Variants in SRP54 observed in about 807,000 individuals in gnomAD.
The protein encoded by SRP54 is signal recognition particle subunit SRP54.
SRP54 carries 10 observed loss-of-function variants against 64.8 expected under a neutral mutation model. The ratio of observed to expected loss-of-function variants is 0.15; its 90% CI spans 0.10 to 0.26. The LOEUF is 0.26. Among genes scored for constraint, SRP54 ranks in the 10% least tolerant of loss-of-function variants. The pLI is 1.00. For missense variants in SRP54, 325 were observed against 613.7 expected (o/e 0.53, Z 4.97); for synonymous variants, 193 against 185.6 (o/e 1.04, Z -0.32).
chr14:35,014,290 T>TTTTTTTTTTTTTTTTTTGTTTTG (rs376712278), intron 10 of SRP54, among the ~76,000 whole-genome samples: 1 of 127,284 alleles, frequency 7.9e-6, no homozygotes, highest in African/African-American at 2.9e-5. Flanking sequence ...TTTTTTTTTT[T>TTTTTTTTTTTTTTTTTTGTTTTG]TTTTGAGACG....
At chr14:35,010,803 A>T (rs2044344732) in intron 7 of SRP54, among the ~76,000 whole-genome samples, 1 of 152,166 alleles carries the variant, frequency 6.6e-6, no homozygotes, top group South Asian at 2.1e-4. Flanking sequence ...TAAAAAAAAA[A>T]TTGGAAAAAC....
intron 4 of SRP54, among the ~76,000 whole-genome samples, chr14:35,001,340 G>A (rs1342876201): frequency 6.6e-6 from 1 of 151,888 alleles, no homozygotes; most frequent in Non-Finnish European, 1.5e-5. Flanking sequence ...TAGTAGAGAC[G>A]GGGTTTCTCT....
At chr14:34,995,164 T>TA (rs2044050931) in intron 1 of SRP54, among the ~76,000 whole-genome samples, 2 of 140,094 alleles carry the variant, frequency 1.4e-5, no homozygotes, top group Admixed American at 7.4e-5. Context: ...TGTGTGTGTG[T>TA]GTGTGTGTGT....
At chr14:34,991,089 G>C (rs1251723478) in intron 1 of SRP54, among the ~76,000 whole-genome samples, 3 of 148,500 alleles carry the variant, frequency 2.0e-5, no homozygotes, top group African/African-American at 4.9e-5. Context: ...CCCTGCCCTT[G>C]TGCAGGTTAA....
chr14:34,995,176 T>TA (rs1417657330), intron 1 of SRP54, among the ~76,000 whole-genome samples: 65 of 121,114 alleles, frequency 5.4e-4, no homozygotes, highest in African/African-American at 1.6e-3. Flanking sequence ...TGTGTGTGTG[T>TA]GTGTGTGTGT....
chr14:34,995,181 GTGTGTGT>G (rs1345356103), intron 1 of SRP54, among the ~76,000 whole-genome samples: 6 of 114,272 alleles, frequency 5.3e-5, no homozygotes, highest in Admixed American at 3.5e-4. Flanking sequence ...GTGTGTGTGT[GTGTGTGT>G]AGAGAGAGAG....
intron 12 of SRP54, 74 bp downstream of exon 12, chr14:35,018,839 T>A (rs2044481162): frequency 6.8e-7 from 1 of 1,472,846 alleles, no homozygotes; most frequent in Non-Finnish European, 9.3e-7. Context: ...CTTGCTTTAA[T>A]TATTTTTACA....
intron 14 of SRP54, among the ~76,000 whole-genome samples, chr14:35,025,129 A>G (rs181181476): frequency 6.6e-6 from 1 of 152,304 alleles, no homozygotes; most frequent in East Asian, 1.9e-4. Flanking sequence ...AAGGTTTTCC[A>G]AAGACTTCCA....
At chr14:35,014,300 G>A (rs1038809062) in intron 10 of SRP54, among the ~76,000 whole-genome samples, 6 of 102,408 alleles carry the variant, frequency 5.9e-5, no homozygotes, top group Non-Finnish European at 1.2e-4. Context: ...TTTTTGAGAC[G>A]GAGTTTCGCT....
intron 8 of SRP54, among the ~76,000 whole-genome samples, chr14:35,013,032 C>T (rs2044380813): frequency 6.7e-6 from 1 of 150,296 alleles, no homozygotes; most frequent in Admixed American, 6.7e-5. Context: ...CAACCTCTGC[C>T]TCCCGGGTTC....
chr14:35,007,954 G>A (rs1265620534), intron 5 of SRP54, among the ~76,000 whole-genome samples: 2 of 151,276 alleles, frequency 1.3e-5, no homozygotes, highest in East Asian at 1.9e-4. Context: ...CTGTAACTAT[G>A]CTATTTCTTT....
At position 35,013,399 on chromosome 14, in the gene SRP54, A is replaced by G. The variant is rs2044386900; in HGVS notation, c.690A>G (p.Glu230=). ...ATGCCTCCATTGGGCAGGCTTGTGA[A>G]GCCCAGGCTAAGGCTTTTAAAGATA... ...VMDASIGQAC[E]AQAKAFKDKV... The change falls in exon 9 of 16, where the codon GAA becomes GAG. Residue 230 remains glutamate (E), a synonymous_variant. Transcript: ENST00000216774. 1.2e-6 allele frequency: 2 copies of G among 1,614,066 alleles called. No individual in the cohort carries two copies. The highest frequency in any genetic ancestry group is 1.7e-6 in the Non-Finnish European group (2 of 1,180,020).
At chr14:34,984,381 T>C (rs1736526836) in intron 1 of SRP54, among the ~76,000 whole-genome samples, 1 of 152,228 alleles carries the variant, frequency 6.6e-6, no homozygotes, top group Admixed American at 6.5e-5. Flanking sequence ...GTCCTTTTAG[T>C]TGGCCCTCAG....
chr14:35,021,209 A>G (rs1462230012), intron 13 of SRP54, among the ~76,000 whole-genome samples: 1 of 152,220 alleles, frequency 6.6e-6, no homozygotes, highest in African/African-American at 2.4e-5. Context: ...CTTAGAGGGT[A>G]TGTATAGACA....
rs1566651484 is a variant in SRP54, at chr14:35,011,547, G to C, written c.524G>C (p.Gly175Ala). The change falls in exon 8 of 16, where the codon GGA (glycine) becomes GCA (alanine). Residue 175 changes from glycine to alanine, a missense_variant. Transcript: ENST00000216774. ...GATCCTGTCATCATTGCTTCTGAAG[G>C]AGTAGAGAAATTTAAAAATGAAAAT... ...EMDPVIIASE[G>A]VEKFKNENFE... 1 of 1,581,708 alleles carries C rather than the reference G, an allele frequency of 6.3e-7. No individual in the cohort carries two copies. The highest frequency in any genetic ancestry group is 8.6e-7 in the Non-Finnish European group (1 of 1,159,828).
chr14:34,987,230 GAAAAAA>G (rs199590717), intron 1 of SRP54, among the ~76,000 whole-genome samples: 20,582 of 124,278 alleles, frequency 0.17, 1,834 homozygotes, highest in East Asian at 0.32. Flanking sequence ...CACTACATCT[GAAAAAA>G]AAAAAAAAAA....
In SRP54 at chr14:35,016,846, T is replaced by C. The variant is rs1181126127; in HGVS notation, c.974-1846T>C. ...CTCTTTGCCCCTTTTTTTTCTTTTC[T>C]TTTTTTTTTTTTTTCTTCTTTTTTT... is the stretch of plus-strand genomic sequence containing the variant. On this transcript the variant is annotated intron_variant, in intron 11 of 15. Coordinates refer to ENST00000216774, the MANE Select transcript of SRP54 (RefSeq NM_003136.4). 4.3e-3 allele frequency among the ~76,000 whole-genome samples: 52 copies of C among 12,178 alleles called. 2 individuals carry two copies. Among genetic ancestry groups the C allele is most frequent in the East Asian group, 0.017 (4 of 230 alleles). 8.0% of individuals were successfully genotyped at this position (12,178 alleles called of 152,430 possible).
chr14:35,014,471 G>C (rs2044407209), intron 10 of SRP54, among the ~76,000 whole-genome samples: 1 of 151,712 alleles, frequency 6.6e-6, no homozygotes, highest in Admixed American at 6.6e-5. Flanking sequence ...GTAGAGACGG[G>C]GTTTCACCAT....
intron 1 of SRP54, among the ~76,000 whole-genome samples, chr14:34,994,833 G>T (rs2044040290): frequency 6.6e-6 from 1 of 151,682 alleles, no homozygotes; most frequent in Non-Finnish European, 1.5e-5. Context: ...AGGCTGGATG[G>T]AGTGCAGTGG....
Sources: gnomAD v4.1 joint callset for allele counts (sites outside exome capture counted in the v4.1 genomes callset) on GRCh38, gnomAD v4.1.1 for gene constraint, MANE v1.5 for transcripts, NCBI Gene and HGNC (gene_info 2026-07-23, HGNC 2026-07-21) for gene names.